Variants in MEIS1 observed in about 807,000 individuals in gnomAD.
MEIS1 encodes the protein homeobox protein Meis1.
Under a neutral mutation model 50.8 loss-of-function variants are expected in MEIS1, and 5 were observed. That is an observed-to-expected ratio of 0.10 (90% CI 0.05 to 0.21). MEIS1 has a LOEUF of 0.21. Ranked by LOEUF, MEIS1 falls within the 10% of genes least tolerant of loss-of-function variation. The pLI is 1.00. For synonymous variants in MEIS1, 176 were observed against 179.3 expected, an observed-to-expected ratio of 0.98 and a Z score of 0.15; for missense variants, 318 against 517.3, an observed-to-expected ratio of 0.61 and a Z score of 3.74.
At chr2:66,472,178 T>C (rs1672776919) in intron 7 of MEIS1, among the ~76,000 whole-genome samples, 2 of 152,314 alleles carry the variant, frequency 1.3e-5, no homozygotes, top group Non-Finnish European at 2.9e-5. Context: ...AAACATGTGT[T>C]TCAGTTTCTA....
At chr2:66,448,609 T>C (rs1052600100) in intron 6 of MEIS1, among the ~76,000 whole-genome samples, 5 of 152,206 alleles carry the variant, frequency 3.3e-5, no homozygotes, top group African/African-American at 1.2e-4. Context: ...GGTAATGTTA[T>C]GCTTTCCATT....
intron 8 of MEIS1, among the ~76,000 whole-genome samples, chr2:66,542,002 C>G (rs1674665255): frequency 6.6e-6 from 1 of 151,988 alleles, no homozygotes; most frequent in Non-Finnish European, 1.5e-5. Context: ...AAAAAGTATC[C>G]TAGATCAATG....
At chr2:66,446,592 G>C (rs1421484142) in intron 6 of MEIS1, among the ~76,000 whole-genome samples, 1 of 152,154 alleles carries the variant, frequency 6.6e-6, no homozygotes, top group Non-Finnish European at 1.5e-5. Flanking sequence ...CTCTCCGGGG[G>C]GTCCTCGTCT....
chr2:66,526,020 T>A (rs572143498), intron 8 of MEIS1, among the ~76,000 whole-genome samples: 1 of 152,380 alleles, frequency 6.6e-6, no homozygotes, highest in South Asian at 2.1e-4. Context: ...ACTTTATGTC[T>A]GCTCCAGGAG....
intron 7 of MEIS1, among the ~76,000 whole-genome samples, chr2:66,474,796 G>A (rs1672849936): frequency 6.6e-6 from 1 of 152,040 alleles, no homozygotes; most frequent in African/African-American, 2.4e-5. Flanking sequence ...TCCTAACGTT[G>A]CTCACTTTAT....
At chr2:66,528,304 T>A (rs181270985) in intron 8 of MEIS1, among the ~76,000 whole-genome samples, 2 of 152,298 alleles carry the variant, frequency 1.3e-5, no homozygotes, top group Admixed American at 1.3e-4. Flanking sequence ...GACAGGTCTC[T>A]GTCAAATACA....
intron 7 of MEIS1, among the ~76,000 whole-genome samples, chr2:66,477,837 TTTTC>T (rs1044572858): frequency 6.6e-6 from 1 of 152,162 alleles, no homozygotes; most frequent in African/African-American, 2.4e-5. Context: ...AGCTGCTAAT[TTTTC>T]TTTCTATGTA....
intron 7 of MEIS1, among the ~76,000 whole-genome samples, chr2:66,489,094 C>A (rs1160654624): frequency 6.6e-6 from 1 of 152,198 alleles, no homozygotes; most frequent in Admixed American, 6.5e-5. Context: ...GTGTTGTAAT[C>A]CTTTCAAAGA....
At chr2:66,497,799 A>G (rs917812812) in intron 7 of MEIS1, among the ~76,000 whole-genome samples, 2 of 152,218 alleles carry the variant, frequency 1.3e-5, no homozygotes, top group Non-Finnish European at 2.9e-5. Context: ...AGGGTGAGTT[A>G]TCATAAATTA....
At chr2:66,554,939 T>C (rs1675017584) in intron 9 of MEIS1, among the ~76,000 whole-genome samples, 1 of 152,216 alleles carries the variant, frequency 6.6e-6, no homozygotes, top group African/African-American at 2.4e-5. Context: ...ATTTTAGGAT[T>C]CATAATAAAG....
At chr2:66,537,004 GT>G (rs1461276710) in intron 8 of MEIS1, among the ~76,000 whole-genome samples, 1 of 152,128 alleles carries the variant, frequency 6.6e-6, no homozygotes, top group Non-Finnish European at 1.5e-5. Flanking sequence ...CTATTCTATA[GT>G]TTTCATTGAC....
rs763582376 is a variant in MEIS1 at position 66,571,341 on chromosome 2, C to T, written c.*133C>T. ...TTATACCCAACCCCAGATGCCCCCCCATCCTGCTCAGCTGCGTCATGGGCC... is the reference window on the plus strand; with the variant it reads ...TTATACCCAACCCCAGATGCCCCCCTATCCTGCTCAGCTGCGTCATGGGCC... On this transcript the variant is annotated 3_prime_UTR_variant, in exon 13 of 13. Coordinates refer to ENST00000272369, the MANE Select transcript of MEIS1 (RefSeq NM_002398.3). 1.9e-5 allele frequency: 31 copies of T among 1,599,698 alleles called. No individual in the cohort carries two copies. The highest frequency in any genetic ancestry group is 1.8e-4 in the East Asian group (8 of 44,244).
At chr2:66,564,543 G>A (rs1457812910) in intron 9 of MEIS1, among the ~76,000 whole-genome samples, 1 of 152,096 alleles carries the variant, frequency 6.6e-6, no homozygotes, top group East Asian at 1.9e-4. Context: ...CATTCTAGCA[G>A]GCACTTTTTA....
At chr2:66,463,763 A>G (rs1016631403) in intron 6 of MEIS1, among the ~76,000 whole-genome samples, 5 of 152,222 alleles carry the variant, frequency 3.3e-5, no homozygotes, top group African/African-American at 1.2e-4. Flanking sequence ...CCAGAGTAGC[A>G]GACTGTTGTG....
intron 4 of MEIS1, chr2:66,440,903 G>T: frequency 2.1e-6 from 1 of 479,974 alleles, no homozygotes; most frequent in Non-Finnish European, 3.6e-6. Flanking sequence ...CTCCCGGCCT[G>T]TCAGCATGTG....
chr2:66,475,252 T>G (rs1672865481), intron 7 of MEIS1, among the ~76,000 whole-genome samples: 1 of 146,276 alleles, frequency 6.8e-6, no homozygotes, highest in Admixed American at 6.9e-5. Context: ...ATATGTTATT[T>G]ATAAAATAAA....
chr2:66,508,375 G>C (rs75647122), intron 7 of MEIS1, among the ~76,000 whole-genome samples: 1 of 152,134 alleles, frequency 6.6e-6, no homozygotes, highest in African/African-American at 2.4e-5. Flanking sequence ...TCCGATAATC[G>C]TATCAAAGCA....
At chr2:66,456,302 A>C (rs192731406) in intron 6 of MEIS1, among the ~76,000 whole-genome samples, 6 of 151,758 alleles carry the variant, frequency 4.0e-5, no homozygotes, top group Admixed American at 3.9e-4. Context: ...TTAGCTGTTA[A>C]GGTCTTAGAA....
chr2:66,559,890 G>A (rs188160476), intron 9 of MEIS1, among the ~76,000 whole-genome samples: 24 of 152,170 alleles, frequency 1.6e-4, no homozygotes, highest in African/African-American at 5.8e-4. Flanking sequence ...TCCACCTCCT[G>A]GATTTAAGCA....
Sources: allele counts gnomAD v4.1 joint callset (sites outside exome capture counted in the v4.1 genomes callset), GRCh38; gene constraint gnomAD v4.1.1; transcripts MANE v1.5; gene names NCBI Gene and HGNC (gene_info 2026-07-23, HGNC 2026-07-21).